ESR1: variants seen among roughly 807,000 people sequenced by gnomAD.
ESR1 encodes estrogen receptor 1.
Under a neutral mutation model 52.7 loss-of-function variants are expected in ESR1, and 12 were observed. The ratio of observed to expected loss-of-function variants is 0.23; its 90% CI spans 0.15 to 0.37. The LOEUF (loss-of-function observed/expected upper bound fraction) is 0.37, where lower values mean the gene tolerates loss of function less well. Ranked by LOEUF, ESR1 falls within the 10% of genes least tolerant of loss-of-function variation. ESR1 has a pLI of 1.00. For synonymous variants in ESR1, 305 were observed against 316.8 expected (o/e 0.96, Z 0.39); for missense variants, 584 against 779.7 (o/e 0.75, Z 2.99).
chr6:151,708,399 CT>C (rs761118800), intron 2 of ESR1, among the ~76,000 whole-genome samples: 1 of 152,010 alleles, frequency 6.6e-6, no homozygotes, highest in Non-Finnish European at 1.5e-5. Context: ...GATATATATT[CT>C]TAGTAATTGG....
At chr6:152,122,607 C>T (rs1402630826) in intron 6 of ESR1, 1 of 1,614,184 alleles carries the variant, frequency 6.2e-7, no homozygotes, top group Non-Finnish European at 8.5e-7. Context: ...GGACTCTGAA[C>T]AGGAAGCCGC....
chr6:152,047,821 G>T (rs1244727257), intron 5 of ESR1, among the ~76,000 whole-genome samples: 6 of 152,062 alleles, frequency 3.9e-5, no homozygotes, highest in Non-Finnish European at 5.9e-5. Flanking sequence ...GCTTGGCCGG[G>T]GGAATTAAGA....
chr6:151,692,728 A>T (rs750035640), intron 1 of ESR1, among the ~76,000 whole-genome samples: 4 of 152,226 alleles, frequency 2.6e-5, no homozygotes, highest in Non-Finnish European at 4.4e-5. Flanking sequence ...TCTGGGCAAC[A>T]TCTCAGTAGA....
intron 1 of ESR1, among the ~76,000 whole-genome samples, chr6:151,836,418 T>A (rs1783340154): frequency 6.6e-6 from 1 of 151,980 alleles, no homozygotes; most frequent in African/African-American, 2.4e-5. Context: ...TATAAAACCA[T>A]CAGATTTCAT....
intron 2 of ESR1, among the ~76,000 whole-genome samples, chr6:151,777,933 C>T (rs1786170441): frequency 6.6e-6 from 1 of 151,756 alleles, no homozygotes; most frequent in South Asian, 2.1e-4. Flanking sequence ...GCACTTCAGC[C>T]TGGGGAACAA....
At chr6:151,985,889 G>C (rs907457661) in intron 4 of ESR1, among the ~76,000 whole-genome samples, 1 of 151,864 alleles carries the variant, frequency 6.6e-6, no homozygotes, top group Non-Finnish European at 1.5e-5. Context: ...GGCTGGTCTC[G>C]AACTCCTGAC....
chr6:151,916,246 A>G (rs549549616), intron 3 of ESR1, among the ~76,000 whole-genome samples: 135 of 152,326 alleles, frequency 8.9e-4, no homozygotes, highest in African/African-American at 3.2e-3. Context: ...ATAGTCAGAG[A>G]AAAGGAACGT....
intron 3 of ESR1, among the ~76,000 whole-genome samples, chr6:151,915,869 CTA>C (rs967112962): frequency 6.7e-6 from 1 of 149,464 alleles, no homozygotes; most frequent in African/African-American, 2.5e-5. Context: ...CTCTCTCTCT[CTA>C]TAGGAAACCA....
intron 6 of ESR1, among the ~76,000 whole-genome samples, chr6:152,082,105 C>G (rs2049274805): frequency 6.6e-6 from 1 of 152,200 alleles, no homozygotes; most frequent in Admixed American, 6.5e-5. Context: ...CTCCCTAACT[C>G]ATTTTATGAG....
At chr6:151,827,978 T>A (rs1781794820) in intron 1 of ESR1, among the ~76,000 whole-genome samples, 1 of 152,226 alleles carries the variant, frequency 6.6e-6, no homozygotes, top group African/African-American at 2.4e-5. Flanking sequence ...TATTTTCAAA[T>A]GAGGAAAATG....
At chr6:151,818,232 A>G (rs1446050523) in intron 1 of ESR1, among the ~76,000 whole-genome samples, 1 of 152,186 alleles carries the variant, frequency 6.6e-6, no homozygotes, top group East Asian at 1.9e-4. Flanking sequence ...GTGAACTCAG[A>G]ATAAGCAGCT....
upstream of ESR1, among the ~76,000 whole-genome samples, chr6:151,801,555 T>C (rs868771500): frequency 2.0e-5 from 3 of 152,054 alleles, no homozygotes; most frequent in Middle Eastern, 3.4e-3. Context: ...TTTGTGAGAG[T>C]CAGGGTCTTT....
intron 3 of ESR1, among the ~76,000 whole-genome samples, chr6:151,910,152 G>C (rs903244729): frequency 1.6e-4 from 24 of 151,684 alleles, no homozygotes; most frequent in African/African-American, 5.8e-4. Context: ...GTGTTCTGTG[G>C]CTACCCATTT....
At chr6:151,944,611 T>C in intron 4 of ESR1, 103 bp downstream of exon 4, 1 of 1,031,916 alleles carries the variant, frequency 9.7e-7, no homozygotes, top group Non-Finnish European at 1.5e-6. Flanking sequence ...TAACATGTTA[T>C]GTAATTGGTT....
chr6:152,090,985 T>C (rs1368810744), intron 6 of ESR1, among the ~76,000 whole-genome samples: 1 of 152,220 alleles, frequency 6.6e-6, no homozygotes, highest in Non-Finnish European at 1.5e-5. Flanking sequence ...CTTTGGGATT[T>C]GGAGCAATCT....
At chr6:151,683,086 C>G (rs188794348) in intron 1 of ESR1, among the ~76,000 whole-genome samples, 12 of 152,298 alleles carry the variant, frequency 7.9e-5, no homozygotes, top group South Asian at 2.1e-4. Flanking sequence ...CTCTTATCTT[C>G]CTTATGTCAA....
intron 1 of ESR1, among the ~76,000 whole-genome samples, chr6:151,829,608 T>C (rs1247466850): frequency 2.0e-5 from 3 of 152,088 alleles, no homozygotes; most frequent in Non-Finnish European, 2.9e-5. Flanking sequence ...AAGGAAAGGG[T>C]TTGAAAAATG....
intron 3 of ESR1, among the ~76,000 whole-genome samples, chr6:151,899,080 A>AC (rs1242904405): frequency 1.9e-5 from 2 of 106,386 alleles, no homozygotes; most frequent in African/African-American, 8.3e-5. Flanking sequence ...TGGGGGGCTG[A>AC]CCCCCCCACC....
In ESR1 at chr6:152,011,781, T is replaced by C. The variant is rs367661077; in HGVS notation, c.1222T>C (p.Leu408=). 40 of 1,612,956 alleles carry C rather than the reference T, an allele frequency of 2.5e-5. No individual in the cohort carries two copies. Among genetic ancestry groups the C allele is most frequent in the Non-Finnish European group, 3.3e-5 (39 of 1,179,446 alleles). ...HPGKLLFAPN[L]LLDRNQGKCV... is the part of the protein sequence containing the mutation. The stretch of plus-strand genomic sequence containing the variant: ...AGGGAAGCTACTGTTTGCTCCTAAC[T>C]TGCTCTTGGACAGGTAAGTGACCTG... Residue 408 remains leucine, a synonymous_variant, in exon 5 of 8, where the codon TTG becomes CTG. Coordinates refer to ENST00000206249, the MANE Select transcript of ESR1 (RefSeq NM_000125.4).
Sources: allele counts gnomAD v4.1 joint callset (sites outside exome capture counted in the v4.1 genomes callset), GRCh38; gene constraint gnomAD v4.1.1; transcripts MANE v1.5; gene names NCBI Gene and HGNC (gene_info 2026-07-23, HGNC 2026-07-21).